The following PARG variants were observed in gnomAD, a reference collection of about 807,000 sequenced individuals.
The protein encoded by PARG is poly(ADP-ribose) glycohydrolase.
A neutral mutation model predicts 113.0 loss-of-function variants in PARG; 35 were observed. That is an observed-to-expected ratio of 0.31 (90% CI 0.24 to 0.41). The LOEUF (loss-of-function observed/expected upper bound fraction) is 0.41, where lower values mean the gene tolerates loss of function less well. Among genes scored for constraint, PARG ranks in the 10% least tolerant of loss-of-function variants. The probability of loss-of-function intolerance (pLI) is 1.00; values close to 1 mark genes in which losing one functional copy is unlikely to be tolerated. For synonymous variants in PARG, 330 were observed against 409.9 expected (o/e 0.81, Z 2.36); for missense variants, 797 against 1,169.4 (o/e 0.68, Z 4.64).
Position 49,833,721 on chromosome 10 carries a change from T to C in PARG, c.2542-813A>G, listed in dbSNP as rs75282876. ...AGCTAGTTGGTCTTTCTGCCTTCTTTCTAAATTCTTATTTTCTGAAGTGAT... is the reference window on the plus strand; with the variant it reads ...AGCTAGTTGGTCTTTCTGCCTTCTTCCTAAATTCTTATTTTCTGAAGTGAT... On this transcript the variant is annotated intron_variant, in intron 15 of 17. Coordinates refer to ENST00000616448, the MANE Select transcript of PARG (RefSeq NM_003631.5). Among the ~76,000 whole-genome samples the C allele has an allele frequency of 2.3e-3, 345 of 152,330 alleles. 1 individual carries two copies. The highest frequency in any genetic ancestry group is 8.1e-3 in the African/African-American group (338 of 41,578).
chr10:49,896,585 T>C (rs1291503926), intron 7 of PARG, among the ~76,000 whole-genome samples: 2 of 152,142 alleles, frequency 1.3e-5, no homozygotes, highest in Non-Finnish European at 2.9e-5. Flanking sequence ...ACTCCCGGCC[T>C]GCTAACAGTT....
At chr10:49,823,941 A>G (rs1844229234) in intron 16 of PARG, among the ~76,000 whole-genome samples, 1 of 152,230 alleles carries the variant, frequency 6.6e-6, no homozygotes, top group African/African-American at 2.4e-5. Context: ...ATTAGAGTAC[A>G]TATTGTACCA....
In PARG at chr10:49,933,907, G is replaced by C; in HGVS notation, c.541C>G (p.Gln181Glu). Reference protein sequence around the residue: ...EPQTVTLVPEQFSNANIDRSP... With the variant: ...EPQTVTLVPEEFSNANIDRSP... The stretch of plus-strand genomic sequence containing the variant: ...CGATCAATGTTAGCATTACTAAACT[G>C]CTCTGGTACCAGGGTTACTGTTTGA... Residue 181 changes from glutamine (Q) to glutamate (E), a missense_variant, in exon 3 of 18, where the codon CAG (glutamine) becomes GAG (glutamate). Physicochemically the swap from Gln to Glu is conservative, Grantham distance 29. This residue lies in a region of PARG where 284 missense variants were observed against 306.1 expected (regional missense o/e 0.93). Transcript: ENST00000616448. The C allele has an allele frequency of 6.2e-7, 1 of 1,602,578 alleles. No individual in the cohort carries two copies. The highest frequency in any genetic ancestry group is 1.1e-5 in the South Asian group (1 of 90,834).
intron 15 of PARG, among the ~76,000 whole-genome samples, chr10:49,835,285 T>C (rs1037476582): frequency 6.6e-6 from 1 of 152,082 alleles, no homozygotes; most frequent in African/African-American, 2.4e-5. Flanking sequence ...AGAAGACTCA[T>C]CAGAAAGCTG....
chr10:49,824,996 T>C (rs1369744181), intron 16 of PARG, among the ~76,000 whole-genome samples: 3 of 152,116 alleles, frequency 2.0e-5, no homozygotes, highest in Non-Finnish European at 4.4e-5. Flanking sequence ...TCAAACGATT[T>C]AAATGCATGC....
intron 12 of PARG, among the ~76,000 whole-genome samples, chr10:49,858,365 A>ACACG (rs1452258657): frequency 6.2e-5 from 9 of 145,578 alleles, no homozygotes; most frequent in Admixed American, 6.0e-4. Context: ...ACACACACAC[A>ACACG]CACACAACTT....
chr10:49,854,078 AAAC>A (rs2132505894), intron 13 of PARG, among the ~76,000 whole-genome samples: 2 of 149,786 alleles, frequency 1.3e-5, no homozygotes, highest in South Asian at 4.3e-4. Context: ...ATCTTGGTAA[AAAC>A]AATAAACTTT....
chr10:49,842,924 T>G (rs549310147), intron 14 of PARG, among the ~76,000 whole-genome samples: 1 of 152,342 alleles, frequency 6.6e-6, no homozygotes, highest in Admixed American at 6.5e-5. Context: ...AAGAGCTGAT[T>G]CTTTCTGCCA....
At position 49,843,867 on chromosome 10, in the gene PARG, C is replaced by T. The variant is rs1376717594; in HGVS notation, c.2354-235G>A. Among the ~76,000 whole-genome samples the T allele has an allele frequency of 3.9e-5, 6 of 152,192 alleles. No homozygotes were observed. The South Asian group carries it at 6.2e-4, about 16-fold the overall frequency. The stretch of plus-strand genomic sequence containing the variant: ...TAGCAAATCCTAAGGAATCACTGAA[C>T]TAAAGAGAGAGGCCAGGCGCAGTGG... On this transcript the variant is annotated intron_variant, in intron 13 of 17. Transcript: ENST00000616448.
chr10:49,842,181 G>C, intron 14 of PARG, 123 bp from the exon 15 acceptor site: 1 of 652,648 alleles, frequency 1.5e-6, no homozygotes. Flanking sequence ...ACCAGTGTCT[G>C]CAGGTCTGAG....
At position 49,922,544 on chromosome 10, in the gene PARG, T is replaced by C. The variant is rs1554849591; in HGVS notation, c.1578+3A>G. 6 of 1,611,466 alleles carry C rather than the reference T, an allele frequency of 3.7e-6. No individual in the cohort carries two copies. The East Asian group carries it at 1.3e-4, about 36-fold the overall frequency. On this transcript the variant is annotated splice_donor_region_variant and intron_variant, in intron 5 of 17. Coordinates refer to ENST00000616448, the MANE Select transcript of PARG (RefSeq NM_003631.5). Reference sequence around the variant, plus strand: ...ACTAAAAGAATCTCGGTTTTGTTCTTACCTCATCTTCCACTGGGTACAAAT... The same window carrying C: ...ACTAAAAGAATCTCGGTTTTGTTCTCACCTCATCTTCCACTGGGTACAAAT...
At chr10:49,886,943 T>C (rs1394699387) in intron 7 of PARG, among the ~76,000 whole-genome samples, 7 of 152,296 alleles carry the variant, frequency 4.6e-5, no homozygotes, top group African/African-American at 1.4e-4. Context: ...TTTACAGGTA[T>C]GCACTAAAGA....
intron 1 of PARG, among the ~76,000 whole-genome samples, chr10:49,938,633 C>T (rs1838864764): frequency 1.3e-5 from 2 of 151,686 alleles, no homozygotes; most frequent in Admixed American, 6.6e-5. Context: ...AGTGGGGTCT[C>T]GCTATGTTGC....
chr10:49,923,205 C>T (rs1199690489), intron 4 of PARG, among the ~76,000 whole-genome samples: 14 of 152,202 alleles, frequency 9.2e-5, no homozygotes, highest in Admixed American at 7.2e-4. Flanking sequence ...GCCACCTCCC[C>T]CACTGTATCT....
rs1232977799 is a variant in PARG, at chr10:49,904,407, A to C, written c.1737+11510T>G. ...CTAGGAACATAACAAAGAACAAATC[A>C]CAGCCTCATACAAGGAAGCTTATAG... On this transcript the variant is annotated intron_variant, in intron 7 of 17. Coordinates refer to ENST00000616448, the MANE Select transcript of PARG (RefSeq NM_003631.5). 2.7e-5 allele frequency among the ~76,000 whole-genome samples: 4 copies of C among 150,406 alleles called. 1 individual carries two copies. Among genetic ancestry groups the C allele is most frequent in the Admixed American group, 1.3e-4 (2 of 15,100 alleles).
At position 49,818,877 on chromosome 10, in the gene PARG, T is replaced by C. The variant is rs1843924584; in HGVS notation, c.*463A>G. 6.5e-6 allele frequency: 1 copy of C among 153,066 alleles called. No individual in the cohort carries two copies. The highest frequency in any genetic ancestry group is 6.5e-5 in the Admixed American group (1 of 15,372). The allele number at this position is 153,066 out of a possible 1,614,324, so 9.5% of individuals were successfully genotyped here. On this transcript the variant is annotated 3_prime_UTR_variant, in exon 18 of 18. Transcript: ENST00000616448. ...TTTAAAAACTTAAACAATGCAAGCATATTAAGAGTTGAGTGGAAGGCTCAC... is the reference window on the plus strand; with the variant it reads ...TTTAAAAACTTAAACAATGCAAGCACATTAAGAGTTGAGTGGAAGGCTCAC...
intron 15 of PARG, among the ~76,000 whole-genome samples, chr10:49,835,791 GA>G: frequency 6.6e-6 from 1 of 152,100 alleles, no homozygotes; most frequent in African/African-American, 2.4e-5. Flanking sequence ...ATCAATTTTA[GA>G]AGGCCCAAGC....
Position 49,906,399 on chromosome 10 carries a change from T to C in PARG, c.1737+9518A>G, listed in dbSNP as rs185486333. Among the ~76,000 whole-genome samples, 45 of 152,216 alleles carry C rather than the reference T, an allele frequency of 3.0e-4. No homozygotes were observed. The East Asian group carries it at 7.9e-3, about 27-fold the overall frequency. ...AATCTTTGAACTTATTGGGCCTCCC[T>C]AGCTTTACTCAATTAGTTTTTACGA... On this transcript the variant is annotated intron_variant, in intron 7 of 17. Coordinates refer to ENST00000616448, the MANE Select transcript of PARG (RefSeq NM_003631.5).
chr10:49,843,513 T>C lies in PARG; in HGVS notation c.2432+41A>G, dbSNP rs1588887357. Reference sequence around the variant, plus strand: ...TGTGAGGGTCAAGCCCAAATTCCTTTGCTTTTAGCCATGGAATACTGAAGA... The same window carrying C: ...TGTGAGGGTCAAGCCCAAATTCCTTCGCTTTTAGCCATGGAATACTGAAGA... On this transcript the variant is annotated intron_variant, in intron 14 of 17. Coordinates refer to ENST00000616448, the MANE Select transcript of PARG (RefSeq NM_003631.5). The C allele has an allele frequency of 1.4e-5, 18 of 1,298,174 alleles. No individual in the cohort carries two copies. The East Asian group carries it at 4.3e-4, about 31-fold the overall frequency. 80.4% of individuals were successfully genotyped at this position (1,298,174 alleles called of 1,614,324 possible).
Sources: gnomAD v4.1 joint callset for allele counts (sites outside exome capture counted in the v4.1 genomes callset) on GRCh38, gnomAD v4.1.1 for gene constraint, gnomAD v4.1.1 regional missense constraint, MANE v1.5 for transcripts, NCBI Gene and HGNC (gene_info 2026-07-23, HGNC 2026-07-21) for gene names.